CSMD1: variants seen among roughly 807,000 people sequenced by gnomAD.
CSMD1 encodes the protein CUB and Sushi multiple domains 1, also known as CUB and sushi domain-containing protein 1.
A neutral mutation model predicts 417.5 loss-of-function variants in CSMD1; 213 were observed. That is an observed-to-expected ratio of 0.51 (90% CI 0.46 to 0.57). The LOEUF (loss-of-function observed/expected upper bound fraction) is 0.57, where lower values mean the gene tolerates loss of function less well. Ranked by LOEUF, CSMD1 falls within the 20% of genes least tolerant of loss-of-function variation. The probability of loss-of-function intolerance (pLI) is 0.00; values close to 1 mark genes in which losing one functional copy is unlikely to be tolerated. For missense variants in CSMD1, 6,923 were observed against 4,529.7 expected, an observed-to-expected ratio of 1.53 and a Z score of -15.17; for synonymous variants, 2,862 against 1,736.8, an observed-to-expected ratio of 1.65 and a Z score of -16.11.
At chr8:3,832,865 T>C (rs1384434669) in intron 5 of CSMD1, among the ~76,000 whole-genome samples, 1 of 152,204 alleles carries the variant, frequency 6.6e-6, no homozygotes, top group Non-Finnish European at 1.5e-5. Flanking sequence ...AAACATCTAT[T>C]TGGAGAATCC....
At chr8:4,300,015 G>C (rs1449232842) in intron 3 of CSMD1, among the ~76,000 whole-genome samples, 2 of 152,178 alleles carry the variant, frequency 1.3e-5, no homozygotes, top group African/African-American at 2.4e-5. Flanking sequence ...AAATCTACAA[G>C]TTTGTATAAA....
chr8:4,151,774 T>C (rs1796583426), intron 3 of CSMD1, among the ~76,000 whole-genome samples: 1 of 152,212 alleles, frequency 6.6e-6, no homozygotes, highest in African/African-American at 2.4e-5. Context: ...GCCACATTTC[T>C]TCTGCAAATG....
intron 2 of CSMD1, among the ~76,000 whole-genome samples, chr8:4,427,382 T>A (rs1392413450): frequency 6.6e-6 from 1 of 152,072 alleles, no homozygotes; most frequent in African/African-American, 2.4e-5. Context: ...AACCAGGTGC[T>A]TTATCAACCC....
At chr8:4,723,483 C>T (rs1213041512) in intron 1 of CSMD1, among the ~76,000 whole-genome samples, 1 of 152,188 alleles carries the variant, frequency 6.6e-6, no homozygotes, top group African/African-American at 2.4e-5. Context: ...AAGTGTGTTA[C>T]CTGACAACAC....
At chr8:4,593,948 T>C (rs1003978730) in intron 2 of CSMD1, among the ~76,000 whole-genome samples, 9 of 152,090 alleles carry the variant, frequency 5.9e-5, no homozygotes, top group South Asian at 2.1e-4. Context: ...GTCAGGAGGA[T>C]CACGTTCCCT....
chr8:4,441,850 A>G lies in CSMD1; in HGVS notation c.303-21785T>C, dbSNP rs182057489. Among the ~76,000 whole-genome samples the G allele has an allele frequency of 3.9e-5, 6 of 152,328 alleles. No individual in the cohort carries two copies. The East Asian group carries it at 7.7e-4, about 20-fold the overall frequency. On this transcript the variant is annotated intron_variant, in intron 2 of 69. Transcript: ENST00000635120. Reference sequence around the variant, plus strand: ...GTTTGAGTAATAAAAGCATGAACGAAAATTCCAGAAAGATTTGAGTTATTT... The same window carrying G: ...GTTTGAGTAATAAAAGCATGAACGAGAATTCCAGAAAGATTTGAGTTATTT...
intron 2 of CSMD1, among the ~76,000 whole-genome samples, chr8:4,625,208 C>G (rs1802026738): frequency 6.6e-6 from 1 of 152,074 alleles, no homozygotes; most frequent in African/African-American, 2.4e-5. Context: ...CTCGTCTACA[C>G]AGCACGTTCT....
chr8:4,856,571 A>G (rs1801812822), intron 1 of CSMD1, among the ~76,000 whole-genome samples: 1 of 141,640 alleles, frequency 7.1e-6, no homozygotes, highest in Non-Finnish European at 1.5e-5. Flanking sequence ...ATGGAGGAAG[A>G]TCTACCAAGC....
chr8:4,380,616 C>T (rs1049983551), intron 3 of CSMD1, among the ~76,000 whole-genome samples: 8 of 152,104 alleles, frequency 5.3e-5, no homozygotes, highest in African/African-American at 1.7e-4. Flanking sequence ...ACATTCAATG[C>T]GGTACGGACT....
chr8:4,746,704 G>A (rs921446968), intron 1 of CSMD1, among the ~76,000 whole-genome samples: 1 of 152,124 alleles, frequency 6.6e-6, no homozygotes, highest in Non-Finnish European at 1.5e-5. Flanking sequence ...ACTCTGAGCT[G>A]CTGGGGCTAA....
intron 36 of CSMD1, among the ~76,000 whole-genome samples, chr8:3,185,386 C>T (rs980544921): frequency 6.6e-6 from 1 of 152,156 alleles, no homozygotes; most frequent in Non-Finnish European, 1.5e-5. Flanking sequence ...ATTAGTAAGG[C>T]ATTTCCCTGC....
Position 3,333,635 on chromosome 8 carries a change from A to G in CSMD1, c.3631+9659T>C, listed in dbSNP as rs1807051636. ...TTAATCTTTATTGAAATAAGTAAAA[A>G]TCTGTGAGTGTGGATTTACGTGCAG... On this transcript the variant is annotated intron_variant, in intron 23 of 69. Transcript: ENST00000635120. Among the ~76,000 whole-genome samples the G allele has an allele frequency of 2.6e-5, 4 of 152,364 alleles. No individual in the cohort carries two copies. In the South Asian group the frequency reaches 8.3e-4, roughly 32 times the overall value.
intron 1 of CSMD1, among the ~76,000 whole-genome samples, chr8:4,835,120 T>G (rs193216159): frequency 7.5e-4 from 114 of 152,074 alleles, no homozygotes; most frequent in Non-Finnish European, 1.2e-3. Context: ...CATTTATTAT[T>G]AAGGCGGCAA....
At chr8:4,041,017 C>CTT (rs36145371) in intron 3 of CSMD1, among the ~76,000 whole-genome samples, 7,072 of 99,938 alleles carry the variant, frequency 0.071, 461 homozygotes, top group Non-Finnish European at 0.086. Context: ...TTTTTTTTTC[C>CTT]TTTTTTTTTT....
At chr8:3,806,500 C>G (rs577927641) in intron 5 of CSMD1, among the ~76,000 whole-genome samples, 10 of 152,170 alleles carry the variant, frequency 6.6e-5, no homozygotes, top group Non-Finnish European at 1.2e-4. Flanking sequence ...AGAACCAACA[C>G]AGAGCCACGG....
chr8:3,838,171 G>A (rs909444907), intron 5 of CSMD1, among the ~76,000 whole-genome samples: 1 of 152,026 alleles, frequency 6.6e-6, no homozygotes, highest in Non-Finnish European at 1.5e-5. Flanking sequence ...GAATACAAAT[G>A]AATCAGACAC....
intron 26 of CSMD1, among the ~76,000 whole-genome samples, chr8:3,245,682 CAA>C (rs1799835034): frequency 6.6e-6 from 1 of 152,080 alleles, no homozygotes; most frequent in African/African-American, 2.4e-5. Context: ...TAAGGATGTA[CAA>C]AGTTTATTTT....
chr8:4,120,253 A>G (rs1210502252), intron 3 of CSMD1, among the ~76,000 whole-genome samples: 1 of 151,946 alleles, frequency 6.6e-6, no homozygotes, highest in Non-Finnish European at 1.5e-5. Context: ...TGGGGCATAA[A>G]AAGGATTTGG....
intron 3 of CSMD1, among the ~76,000 whole-genome samples, chr8:4,393,461 C>T (rs1476392423): frequency 6.6e-6 from 1 of 152,130 alleles, no homozygotes; most frequent in African/African-American, 2.4e-5. Context: ...ATATCACATG[C>T]ATGATTATGT....
Sources: gnomAD v4.1 joint callset for allele counts (sites outside exome capture counted in the v4.1 genomes callset) on GRCh38, gnomAD v4.1.1 for gene constraint, MANE v1.5 for transcripts, NCBI Gene and HGNC (gene_info 2026-07-23, HGNC 2026-07-21) for gene names.